The following CTNND1 variants were observed in gnomAD, a reference collection of about 807,000 sequenced individuals.
CTNND1 encodes catenin delta-1.
A neutral mutation model predicts 112.1 loss-of-function variants in CTNND1; 16 were observed. That is an observed-to-expected ratio of 0.14 (90% CI 0.10 to 0.22). CTNND1 has a LOEUF of 0.22. CTNND1 is among the 10% of genes least tolerant of loss of function. The probability of loss-of-function intolerance (pLI) is 1.00; values close to 1 mark genes in which losing one functional copy is unlikely to be tolerated. For missense variants in CTNND1, 1,008 were observed against 1,257.0 expected, an observed-to-expected ratio of 0.80 and a Z score of 3.00; for synonymous variants, 420 against 446.5, an observed-to-expected ratio of 0.94 and a Z score of 0.75.
chr11:57,816,276 C>G (rs758294093), intron 20 of CTNND1, 21 bp from the exon 21 acceptor site: 68 of 1,613,508 alleles, frequency 4.2e-5, no homozygotes, highest in Non-Finnish European at 5.3e-5. Flanking sequence ...AACATTCTCT[C>G]TTTCTCTTTT....
chr11:57,775,798 G>A (rs1954086141), intron 1 of CTNND1, among the ~76,000 whole-genome samples: 2 of 152,126 alleles, frequency 1.3e-5, no homozygotes, highest in South Asian at 4.1e-4. Context: ...GTGTATAGCC[G>A]CTTAAGGTTT....
intron 6 of CTNND1, 81 bp downstream of exon 6, chr11:57,797,073 T>G: frequency 1.6e-6 from 2 of 1,267,188 alleles, no homozygotes; most frequent in East Asian, 2.5e-5. Context: ...TTCTAGGGGC[T>G]TTTTGGGATC....
At chr11:57,816,157 C>T (rs189542686) in intron 20 of CTNND1, 140 bp from the exon 21 acceptor site, 19 of 1,203,046 alleles carry the variant, frequency 1.6e-5, no homozygotes, top group Middle Eastern at 1.9e-4. Flanking sequence ...TTACCTCTTA[C>T]GAGTCTGGGA....
At chr11:57,815,530 C>A in intron 19 of CTNND1, 30 bp downstream of exon 19, 1 of 1,499,854 alleles carries the variant, frequency 6.7e-7, no homozygotes, top group Non-Finnish European at 9.3e-7. Context: ...TGCTATCTGT[C>A]TAAGGCTAGT....
chr11:57,818,449 G>T lies in CTNND1; in HGVS notation c.*2141G>T, dbSNP rs1241382067. On this transcript the variant is annotated 3_prime_UTR_variant, in exon 21 of 21. Transcript: ENST00000399050. ...TAAATAAAGTTTTTAAAGTGTGTAT[G>T]TGGGGGGTCTGTGTCATTTCTTCAC... 6.6e-6 allele frequency: 1 copy of T among 152,496 alleles called. No homozygotes were observed. The highest frequency in any genetic ancestry group is 1.5e-5 in the Non-Finnish European group (1 of 68,036). 9.4% of individuals were successfully genotyped at this position (152,496 alleles called of 1,614,324 possible). A position where few individuals can be genotyped will look rare whatever the true frequency, so the allele number is the denominator to read the frequency against.
intron 6 of CTNND1, among the ~76,000 whole-genome samples, chr11:57,797,366 G>T (rs1281576038): frequency 6.7e-6 from 1 of 148,366 alleles, no homozygotes; most frequent in Non-Finnish European, 1.5e-5. Flanking sequence ...TAGTAGTTGG[G>T]ACTACAGGCA....
At chr11:57,793,365 T>A (rs868747498) in intron 3 of CTNND1, 4 of 152,286 alleles carry the variant, frequency 2.6e-5, no homozygotes, top group African/African-American at 9.7e-5. Context: ...GGTAAAGATA[T>A]TGAGCCTTCT....
intron 1 of CTNND1, among the ~76,000 whole-genome samples, chr11:57,769,152 C>T (rs1324579944): frequency 7.5e-6 from 1 of 134,162 alleles, no homozygotes; most frequent in Non-Finnish European, 1.6e-5. Flanking sequence ...ACTAAAGATA[C>T]AAAAAAAAAA....
At chr11:57,790,007 C>T (rs1591414080) in intron 2 of CTNND1, among the ~76,000 whole-genome samples, 1 of 152,226 alleles carries the variant, frequency 6.6e-6, no homozygotes, top group Admixed American at 6.5e-5. Flanking sequence ...AGTCAAGGAA[C>T]ACGTTTTGCC....
At position 57,796,976 on chromosome 11, in the gene CTNND1, C is replaced by G; in HGVS notation, c.940C>G (p.Pro314Ala). 1.4e-6 allele frequency: 2 copies of G among 1,473,814 alleles called. No individual in the cohort carries two copies. The highest frequency in any genetic ancestry group is 2.2e-5 in the Admixed American group (1 of 45,144). 91.3% of individuals were successfully genotyped at this position (1,473,814 alleles called of 1,614,324 possible). Residue 314 changes from proline to alanine, a missense_variant, in exon 6 of 21, where the codon CCT (proline) becomes GCT (alanine). Around this residue, in one of 5 missense-constraint regions of CTNND1, gnomAD observed 404 missense variants for 457.9 expected, o/e 0.88. Transcript: ENST00000399050. ...TARRTGTPSD[P>A]RRRLRSYEDM... The stretch of plus-strand genomic sequence containing the variant: ...CCGTCGGACTGGGACACCCTCTGAC[C>G]CTCGTCGGCGCCTCAGGTAGGCAAG...
rs537179111 is a variant in CTNND1 at position 57,819,490 on chromosome 11, C to T, written c.*3182C>T. ...ATACAAACCCTACTCTTCTCTCTTC[C>T]TTCTGGATTGGTCCATTTGTTTATC... On this transcript the variant is annotated 3_prime_UTR_variant, in exon 21 of 21. Coordinates refer to ENST00000399050, the MANE Select transcript of CTNND1 (RefSeq NM_001085458.2). 1 of 152,192 alleles carries T rather than the reference C, an allele frequency of 6.6e-6. No individual in the cohort carries two copies. The highest frequency in any genetic ancestry group is 1.5e-5 in the Non-Finnish European group (1 of 68,038). The allele number at this position is 152,192 out of a possible 1,614,324, so 9.4% of individuals were successfully genotyped here.
At chr11:57,793,785 T>A (rs1402444455) in intron 3 of CTNND1, among the ~76,000 whole-genome samples, 1 of 152,232 alleles carries the variant, frequency 6.6e-6, no homozygotes, top group Admixed American at 6.5e-5. Flanking sequence ...TACGTTCTTA[T>A]GTTCCAGAGA....
chr11:57,791,343 C>T (rs2060718262), intron 2 of CTNND1, 42 bp from the exon 3 acceptor site: 1 of 1,325,318 alleles, frequency 7.5e-7, no homozygotes. Flanking sequence ...TCTTCTCTGA[C>T]CTGTGACCTT....
At chr11:57,784,804 C>T (rs2059965638) in intron 1 of CTNND1, among the ~76,000 whole-genome samples, 1 of 152,140 alleles carries the variant, frequency 6.6e-6, no homozygotes, top group Non-Finnish European at 1.5e-5. Flanking sequence ...TGGTGCCCGG[C>T]CATGACATTG....
intron 7 of CTNND1, among the ~76,000 whole-genome samples, chr11:57,803,184 C>T (rs1331705564): frequency 3.3e-5 from 5 of 152,126 alleles, no homozygotes; most frequent in South Asian, 2.1e-4. Context: ...CTCAGCTCAC[C>T]GCAAGCTCCG....
At chr11:57,770,225 G>T (rs1403636429) in intron 1 of CTNND1, among the ~76,000 whole-genome samples, 1 of 152,114 alleles carries the variant, frequency 6.6e-6, no homozygotes, top group African/African-American at 2.4e-5. Flanking sequence ...AGCTACTCGG[G>T]AAGCTGAGGC....
At chr11:57,787,884 C>CCTCT (rs1342923275) in intron 1 of CTNND1, among the ~76,000 whole-genome samples, 2 of 152,214 alleles carry the variant, frequency 1.3e-5, no homozygotes, top group Non-Finnish European at 2.9e-5. Flanking sequence ...GCTTTCTGAC[C>CCTCT]TAGAGCCCTG....
chr11:57,815,824 AG>A lies in CTNND1; in HGVS notation c.2809-90del. The A allele has an allele frequency of 2.7e-6, 3 of 1,092,732 alleles. No individual in the cohort carries two copies. In the South Asian group the frequency reaches 4.2e-5, roughly 15 times the overall value. The allele number at this position is 1,092,732 out of a possible 1,614,324, so 67.7% of individuals were successfully genotyped here. A position where few individuals can be genotyped will look rare whatever the true frequency, so the allele number is the denominator to read the frequency against. The stretch of plus-strand genomic sequence containing the variant: ...TTACTATTATATCTTGTTTTGTTTG[AG>A]TTTACAAATTTTCAGAGTTTCCCTA... On this transcript the variant is annotated intron_variant, in intron 19 of 20. Transcript: ENST00000399050.
At chr11:57,802,978 A>G (rs943078600) in intron 7 of CTNND1, among the ~76,000 whole-genome samples, 1 of 152,218 alleles carries the variant, frequency 6.6e-6, no homozygotes, top group Admixed American at 6.5e-5. Flanking sequence ...GGCCAGGGGT[A>G]CTGGTAAACA....
Sources: gnomAD v4.1 joint callset for allele counts (sites outside exome capture counted in the v4.1 genomes callset) on GRCh38, gnomAD v4.1.1 for gene constraint, gnomAD v4.1.1 regional missense constraint, MANE v1.5 for transcripts, NCBI Gene and HGNC (gene_info 2026-07-23, HGNC 2026-07-21) for gene names.